RAD51B: variants seen among roughly 807,000 people sequenced by gnomAD.
The protein encoded by RAD51B is DNA repair protein RAD51 homolog 2.
In RAD51B, 38 loss-of-function variants were observed where a neutral mutation model predicts 42.2. The ratio of observed to expected loss-of-function variants is 0.90; its 90% CI spans 0.70 to 1.18. RAD51B has a LOEUF of 1.18. Among genes scored for constraint, RAD51B ranks in the 50% most tolerant of loss-of-function variants. The pLI, the probability that RAD51B is intolerant of heterozygous loss-of-function variation, is 0.00. For synonymous variants in RAD51B, 154 were observed against 145.2 expected (o/e 1.06, Z -0.43); for missense variants, 373 against 400.7 (o/e 0.93, Z 0.59).
chr14:67,895,652 C>G (rs1038391726), intron 7 of RAD51B, among the ~76,000 whole-genome samples: 1 of 152,164 alleles, frequency 6.6e-6, no homozygotes, highest in Admixed American at 6.5e-5. Flanking sequence ...GAAGCTAGGA[C>G]AATGTATGGC....
intron 7 of RAD51B, among the ~76,000 whole-genome samples, chr14:68,003,806 T>C (rs2075529376): frequency 6.6e-6 from 1 of 152,238 alleles, no homozygotes; most frequent in South Asian, 2.1e-4. Context: ...ATTTATGTGA[T>C]GAATTACATT....
chr14:67,951,959 A>G (rs992295054), intron 7 of RAD51B, among the ~76,000 whole-genome samples: 5 of 152,188 alleles, frequency 3.3e-5, no homozygotes, highest in Admixed American at 1.3e-4. Flanking sequence ...AAAGCAGTAG[A>G]TATTTCCAAA....
intron 7 of RAD51B, among the ~76,000 whole-genome samples, chr14:68,125,839 G>A (rs2077748485): frequency 6.6e-6 from 1 of 152,020 alleles, no homozygotes; most frequent in African/African-American, 2.4e-5. Flanking sequence ...AAAATTGATG[G>A]AAGGCTCTGT....
intron 7 of RAD51B, among the ~76,000 whole-genome samples, chr14:67,955,488 G>C (rs1403438604): frequency 1.3e-5 from 2 of 152,164 alleles, no homozygotes; most frequent in African/African-American, 4.8e-5. Context: ...ATGACACAGT[G>C]TCTAACTCTT....
chr14:67,909,514 C>T (rs2043893876), intron 7 of RAD51B, among the ~76,000 whole-genome samples: 1 of 152,130 alleles, frequency 6.6e-6, no homozygotes, highest in Non-Finnish European at 1.5e-5. Flanking sequence ...AAGAATATAT[C>T]TTTGCGGTTT....
At chr14:68,292,144 C>T (rs1355862559) in intron 8 of RAD51B, among the ~76,000 whole-genome samples, 164 bp downstream of exon 8, 1 of 152,226 alleles carries the variant, frequency 6.6e-6, no homozygotes, top group East Asian at 1.9e-4. Flanking sequence ...GGCATCTGAT[C>T]TCTTATATTG....
chr14:68,448,705 A>C (rs1185957653), intron 9 of RAD51B, among the ~76,000 whole-genome samples: 1 of 152,210 alleles, frequency 6.6e-6, no homozygotes, highest in Admixed American at 6.5e-5. Context: ...AGTGGCACCC[A>C]GCTAGAATTT....
At chr14:68,399,486 T>C (rs2084030293) in intron 8 of RAD51B, among the ~76,000 whole-genome samples, 1 of 152,192 alleles carries the variant, frequency 6.6e-6, no homozygotes, top group Admixed American at 6.5e-5. Context: ...CTCCATCTCC[T>C]GACTTCATGA....
At chr14:68,515,911 G>A (rs945318085) in intron 10 of RAD51B, among the ~76,000 whole-genome samples, 11 of 150,938 alleles carry the variant, frequency 7.3e-5, no homozygotes, top group African/African-American at 1.2e-4. Flanking sequence ...TCAGCCTCCC[G>A]AGTAGCTGGG....
chr14:68,391,808 ATATT>A (rs1298584085), intron 8 of RAD51B, among the ~76,000 whole-genome samples: 3 of 152,194 alleles, frequency 2.0e-5, no homozygotes, highest in Non-Finnish European at 2.9e-5. Context: ...AACAACTCAG[ATATT>A]ACAAAAATGT....
chr14:68,533,690 A>G (rs571792334), intron 10 of RAD51B, among the ~76,000 whole-genome samples: 10 of 152,318 alleles, frequency 6.6e-5, no homozygotes, highest in African/African-American at 2.4e-4. Context: ...AGAGATAAAT[A>G]GTGACCTCAG....
At chr14:68,664,760 ATCAATGTGTCCAC>A (rs1566967238) in intron 11 of RAD51B, among the ~76,000 whole-genome samples, 1 of 152,116 alleles carries the variant, frequency 6.6e-6, no homozygotes, top group Non-Finnish European at 1.5e-5. Flanking sequence ...CCACTCAACT[ATCAATGTGTCCAC>A]TCATCCTCTG....
chr14:68,653,041 C>T (rs1050341474), intron 11 of RAD51B, among the ~76,000 whole-genome samples: 8 of 152,250 alleles, frequency 5.3e-5, no homozygotes, highest in African/African-American at 1.2e-4. Flanking sequence ...TTGATTCACA[C>T]GCATGTTTTA....
At chr14:68,342,197 T>C (rs938841984) in intron 8 of RAD51B, among the ~76,000 whole-genome samples, 4 of 152,210 alleles carry the variant, frequency 2.6e-5, no homozygotes, top group African/African-American at 9.6e-5. Flanking sequence ...TTATTTCCAG[T>C]GCCTAGTCCA....
At chr14:68,169,197 G>T (rs1259552454) in intron 7 of RAD51B, among the ~76,000 whole-genome samples, 1 of 152,058 alleles carries the variant, frequency 6.6e-6, no homozygotes, top group Non-Finnish European at 1.5e-5. Context: ...CTAACAGATG[G>T]ATGATTCATT....
At chr14:68,595,298 C>G (rs192899506) in exon 11 of RAD51B, 1 of 1,065,958 alleles carries the variant, frequency 9.4e-7, no homozygotes, top group East Asian at 4.9e-5. Flanking sequence ...CATTTCGCTT[C>G]CTTTGCTGTT....
chr14:68,147,656 G>A (rs368626446), intron 7 of RAD51B, among the ~76,000 whole-genome samples: 1 of 151,806 alleles, frequency 6.6e-6, no homozygotes, highest in African/African-American at 2.4e-5. Flanking sequence ...TATACATTAG[G>A]TTTTCAATAA....
chr14:68,584,745 C>G (rs1156300371), intron 10 of RAD51B, among the ~76,000 whole-genome samples: 1 of 152,198 alleles, frequency 6.6e-6, no homozygotes, highest in Non-Finnish European at 1.5e-5. Context: ...ACCACCTGGA[C>G]CCAACATTTG....
intron 10 of RAD51B, chr14:68,562,068 G>A (rs551785730): frequency 1.0e-6 from 1 of 985,404 alleles, no homozygotes; most frequent in Admixed American, 6.1e-5. Flanking sequence ...TGAATAATTT[G>A]GAGAGTCCAT....
Sources: gnomAD v4.1 joint callset for allele counts (sites outside exome capture counted in the v4.1 genomes callset) on GRCh38, gnomAD v4.1.1 for gene constraint, MANE v1.5 for transcripts, NCBI Gene and HGNC (gene_info 2026-07-23, HGNC 2026-07-21) for gene names.